Variants in LAMC1 observed in about 807,000 individuals in gnomAD.
LAMC1 encodes the protein laminin subunit gamma-1.
Under a neutral mutation model 173.6 loss-of-function variants are expected in LAMC1, and 38 were observed. That is an observed-to-expected ratio of 0.22 (90% CI 0.17 to 0.29). The LOEUF is 0.29. LAMC1 is among the 10% of genes least tolerant of loss of function. The pLI, the probability that LAMC1 is intolerant of heterozygous loss-of-function variation, is 1.00. For synonymous variants in LAMC1, 746 were observed against 749.1 expected, an observed-to-expected ratio of 1.00 and a Z score of 0.07; for missense variants, 1,824 against 2,051.8, an observed-to-expected ratio of 0.89 and a Z score of 2.14.
At chr1:183,067,087 A>C (rs1367190656) in intron 1 of LAMC1, among the ~76,000 whole-genome samples, 3 of 152,190 alleles carry the variant, frequency 2.0e-5, no homozygotes, top group Admixed American at 6.5e-5. Context: ...ATTACATTCT[A>C]AGAGTGCATT....
chr1:183,034,489 T>C (rs1437808118), intron 1 of LAMC1, among the ~76,000 whole-genome samples: 1 of 152,170 alleles, frequency 6.6e-6, no homozygotes, highest in African/African-American at 2.4e-5. Context: ...ATCAGGCTTG[T>C]CTCGAACTCC....
intron 1 of LAMC1, among the ~76,000 whole-genome samples, chr1:183,026,204 A>T (rs1456278186): frequency 6.6e-6 from 1 of 152,236 alleles, no homozygotes; most frequent in Admixed American, 6.5e-5. Context: ...CTTGTAAGTT[A>T]AAAGTTAAAG....
At chr1:183,121,372 G>A (rs1042104124) in intron 11 of LAMC1, among the ~76,000 whole-genome samples, 3 of 152,148 alleles carry the variant, frequency 2.0e-5, no homozygotes, top group Admixed American at 2.0e-4. Flanking sequence ...ATTGCAGTGA[G>A]TCGAGATTGC....
At chr1:183,048,462 G>A (rs1654326403) in intron 1 of LAMC1, among the ~76,000 whole-genome samples, 1 of 152,112 alleles carries the variant, frequency 6.6e-6, no homozygotes, top group African/African-American at 2.4e-5. Flanking sequence ...TGTATGCCTT[G>A]TACAGAATGA....
In LAMC1 at chr1:183,124,846, C is replaced by T. The variant is rs1656578186; in HGVS notation, c.2617C>T (p.Leu873=). Residue 873 remains leucine, a synonymous_variant, in exon 14 of 28, where the codon CTG becomes TTG. Transcript: ENST00000258341. ...RCKDGFFGNP[L]APNPADKCKA... is the part of the protein sequence containing the mutation. Reference sequence around the variant, plus strand: ...CAAAGACGGATTTTTTGGAAATCCCCTGGCTCCCAATCCAGCAGACAAATG... The same window carrying T: ...CAAAGACGGATTTTTTGGAAATCCCTTGGCTCCCAATCCAGCAGACAAATG... 6.2e-7 allele frequency: 1 copy of T among 1,614,074 alleles called. No homozygotes were observed. Among genetic ancestry groups the T allele is most frequent in the African/African-American group, 1.3e-5 (1 of 74,928 alleles).
intron 1 of LAMC1, among the ~76,000 whole-genome samples, chr1:183,083,853 C>T (rs1285459175): frequency 6.6e-6 from 1 of 151,970 alleles, no homozygotes; most frequent in Non-Finnish European, 1.5e-5. Flanking sequence ...CATAATTTCC[C>T]ATATATTATA....
intron 1 of LAMC1, among the ~76,000 whole-genome samples, chr1:183,055,050 G>A (rs1198463471): frequency 2.7e-5 from 4 of 149,336 alleles, no homozygotes; most frequent in African/African-American, 5.0e-5. Flanking sequence ...GTGCAGTGAC[G>A]CAATCTCGGC....
intron 2 of LAMC1, among the ~76,000 whole-genome samples, chr1:183,104,559 A>G (rs1201377011): frequency 1.3e-5 from 2 of 152,226 alleles, no homozygotes; most frequent in East Asian, 1.9e-4. Flanking sequence ...TGCTGTGTAC[A>G]TTATATGAAA....
At chr1:183,064,413 A>ACACTAT (rs1654815894) in intron 1 of LAMC1, among the ~76,000 whole-genome samples, 2 of 152,208 alleles carry the variant, frequency 1.3e-5, no homozygotes, top group Non-Finnish European at 2.9e-5. Flanking sequence ...CACATTGGTA[A>ACACTAT]GTATAGTAAG....
Position 183,118,041 on chromosome 1 carries a change from G to A in LAMC1, c.1885G>A (p.Glu629Lys), listed in dbSNP as rs1656370733. The A allele has an allele frequency of 2.5e-6, 4 of 1,606,458 alleles. No homozygotes were observed. In the South Asian group the frequency reaches 4.4e-5, roughly 18 times the overall value. The change falls in exon 11 of 28, where the codon GAA becomes AAA. Residue 629 changes from glutamate to lysine, a missense_variant. By Grantham distance (56) the Glu-to-Lys change is moderately conservative (BLOSUM62 1). Coordinates refer to ENST00000258341, the MANE Select transcript of LAMC1 (RefSeq NM_002293.4). ...TTVKYVFRLH[E>K]ATDYPWRPAL... Reference sequence around the variant, plus strand: ...CCCTTTCTTTCTCTCCAGGCTCCATGAAGCAACAGATTACCCTTGGAGGCC... The same window carrying A: ...CCCTTTCTTTCTCTCCAGGCTCCATAAAGCAACAGATTACCCTTGGAGGCC...
At chr1:183,136,297 A>G (rs554626261) in intron 24 of LAMC1, 89 bp from the exon 25 acceptor site, 7 of 1,170,478 alleles carry the variant, frequency 6.0e-6, no homozygotes, top group South Asian at 5.3e-5. Flanking sequence ...TCCATTGTTC[A>G]TAAAACAAAA....
At chr1:183,063,798 G>A (rs1654798906) in intron 1 of LAMC1, among the ~76,000 whole-genome samples, 2 of 152,130 alleles carry the variant, frequency 1.3e-5, no homozygotes, top group Non-Finnish European at 1.5e-5. Flanking sequence ...GCTTTTGCTT[G>A]AAATCTTCCC....
At chr1:183,104,871 TTG>T (rs1476998984) in intron 2 of LAMC1, among the ~76,000 whole-genome samples, 6 of 151,624 alleles carry the variant, frequency 4.0e-5, no homozygotes, top group Non-Finnish European at 7.4e-5. Context: ...TGGAGATAAG[TTG>T]TGTTCAAAAT....
rs1479394585 is a variant in LAMC1, at chr1:183,140,454, C to T, written c.4524C>T (p.Asn1508=). The T allele has an allele frequency of 2.5e-6, 4 of 1,613,626 alleles. No homozygotes were observed. In the African/African-American group the frequency reaches 4.0e-5, roughly 16 times the overall value. Residue 1508 remains asparagine (N), a synonymous_variant, in exon 27 of 28, where the codon AAC becomes AAT. Transcript: ENST00000258341. ...AGATCAATGCCAGAAAAGCCAAAAACTCTGTTACTAGCCTCCTCAGCATTA... is the reference window on the plus strand; with the variant it reads ...AGATCAATGCCAGAAAAGCCAAAAATTCTGTTACTAGCCTCCTCAGCATTA... ...EAEINARKAK[N]SVTSLLSIIN... is the part of the protein sequence containing the mutation.
intron 1 of LAMC1, among the ~76,000 whole-genome samples, chr1:183,026,643 A>T (rs1320646952): frequency 6.6e-6 from 1 of 152,200 alleles, no homozygotes; most frequent in African/African-American, 2.4e-5. Flanking sequence ...CATACCCTTA[A>T]ACAAGTGATG....
intron 1 of LAMC1, among the ~76,000 whole-genome samples, chr1:183,033,037 TAAG>T (rs1321059612): frequency 1.3e-5 from 2 of 152,208 alleles, no homozygotes; most frequent in Non-Finnish European, 1.5e-5. Context: ...AAAAATGAAT[TAAG>T]AAACTTTCAG....
intron 1 of LAMC1, among the ~76,000 whole-genome samples, chr1:183,069,852 G>T (rs928143081): frequency 6.6e-6 from 1 of 152,156 alleles, no homozygotes; most frequent in African/African-American, 2.4e-5. Context: ...GCTTCTCCAG[G>T]TAGCCAGCAC....
chr1:183,137,648 A>G (rs775764175), intron 25 of LAMC1, 21 bp from the exon 26 acceptor site: 6 of 1,508,088 alleles, frequency 4.0e-6, no homozygotes, highest in Admixed American at 4.7e-5. Flanking sequence ...TAAAAAAAGT[A>G]CAATTTTCTT....
At chr1:183,104,817 A>G (rs1655927413) in intron 2 of LAMC1, among the ~76,000 whole-genome samples, 1 of 152,192 alleles carries the variant, frequency 6.6e-6, no homozygotes, top group African/African-American at 2.4e-5. Flanking sequence ...ATGGTGAGCA[A>G]TGAGTGTGCT....
Sources: gnomAD v4.1 joint callset for allele counts (sites outside exome capture counted in the v4.1 genomes callset) on GRCh38, gnomAD v4.1.1 for gene constraint, MANE v1.5 for transcripts, NCBI Gene and HGNC (gene_info 2026-07-23, HGNC 2026-07-21) for gene names.